OSBPL1A: variants seen among roughly 807,000 people sequenced by gnomAD.
OSBPL1A encodes oxysterol binding protein like 1A, also known as oxysterol-binding protein-related protein 1.
In OSBPL1A, 80 loss-of-function variants were observed where a neutral mutation model predicts 137.1. The ratio of observed to expected loss-of-function variants is 0.58; its 90% CI spans 0.49 to 0.70. The LOEUF is 0.70. OSBPL1A is among the 30% of genes least tolerant of loss of function. OSBPL1A has a pLI of 0.00. For synonymous variants in OSBPL1A, 365 were observed against 389.7 expected (o/e 0.94, Z 0.75); for missense variants, 970 against 1,129.4 (o/e 0.86, Z 2.02).
intron 4 of OSBPL1A, among the ~76,000 whole-genome samples, chr18:24,353,812 G>A (rs753940964): frequency 4.6e-5 from 7 of 151,422 alleles, no homozygotes; most frequent in African/African-American, 7.3e-5. Context: ...GCAAACTATC[G>A]CAAGGACGAG....
intron 18 of OSBPL1A, among the ~76,000 whole-genome samples, chr18:24,188,801 G>A (rs769521518): frequency 3.3e-5 from 5 of 152,188 alleles, no homozygotes; most frequent in Non-Finnish European, 7.3e-5. Context: ...GAGAGGTAGT[G>A]AAAAACTCGC....
intron 4 of OSBPL1A, 78 bp from the exon 5 acceptor site, chr18:24,341,736 A>G (rs1013109454): frequency 2.3e-6 from 2 of 865,576 alleles, no homozygotes; most frequent in African/African-American, 1.7e-5. Flanking sequence ...ATTACTAACT[A>G]CTACAGAGTC....
intron 14 of OSBPL1A, among the ~76,000 whole-genome samples, chr18:24,300,664 CTTAAAG>C (rs1164854465): frequency 2.0e-5 from 3 of 152,168 alleles, no homozygotes; most frequent in Admixed American, 6.5e-5. Context: ...TGATCTGGGT[CTTAAAG>C]TTAATGCAAT....
At chr18:24,293,671 G>A (rs560117258) in intron 14 of OSBPL1A, among the ~76,000 whole-genome samples, 20 of 152,260 alleles carry the variant, frequency 1.3e-4, no homozygotes, top group African/African-American at 3.9e-4. Flanking sequence ...ACTGGCAGGC[G>A]TAGGCCAGGC....
At chr18:24,262,928 T>C (rs1232845701) in intron 15 of OSBPL1A, among the ~76,000 whole-genome samples, 1 of 152,200 alleles carries the variant, frequency 6.6e-6, no homozygotes, top group Non-Finnish European at 1.5e-5. Context: ...TAATGTTCTT[T>C]AGATTCATCC....
rs998872691 is a variant in OSBPL1A, at chr18:24,257,217, G to C, written c.1282-17835C>G. 2.0e-5 allele frequency among the ~76,000 whole-genome samples: 3 copies of C among 152,234 alleles called. No homozygotes were observed. The South Asian group carries it at 6.2e-4, about 32-fold the overall frequency. ...CTAAACTGGAGGAATCATATTACCT[G>C]ACTTCAAATTACAGTACAGAGCTAC... On this transcript the variant is annotated intron_variant, in intron 15 of 27. Coordinates refer to ENST00000319481, the MANE Select transcript of OSBPL1A (RefSeq NM_080597.4).
intron 1 of OSBPL1A, among the ~76,000 whole-genome samples, chr18:24,386,713 A>G (rs1297003097): frequency 6.6e-6 from 1 of 152,136 alleles, no homozygotes; most frequent in Non-Finnish European, 1.5e-5. Flanking sequence ...TAATCCCAGC[A>G]CTTTGGGAGG....
chr18:24,165,894 C>T (rs559347010), intron 26 of OSBPL1A, among the ~76,000 whole-genome samples: 1 of 152,052 alleles, frequency 6.6e-6, no homozygotes, highest in Admixed American at 6.5e-5. Context: ...TCAGAAGGTC[C>T]AAGACCAACC....
chr18:24,215,242 T>TA (rs2087660012), intron 17 of OSBPL1A, among the ~76,000 whole-genome samples: 1 of 152,332 alleles, frequency 6.6e-6, no homozygotes, highest in East Asian at 1.9e-4. Flanking sequence ...CACAATGTCC[T>TA]AAAACACACA....
chr18:24,232,128 T>G (rs185100210), intron 16 of OSBPL1A, among the ~76,000 whole-genome samples: 132 of 152,328 alleles, frequency 8.7e-4, no homozygotes, highest in African/African-American at 3.0e-3. Context: ...GCTTAAAATA[T>G]CAGTGCCAAA....
chr18:24,332,869 A>G (rs2091106988), intron 7 of OSBPL1A, 73 bp downstream of exon 7: 1 of 1,553,976 alleles, frequency 6.4e-7, no homozygotes, highest in Admixed American at 1.8e-5. Context: ...CTGAAACAAA[A>G]CAATTTTATA....
At chr18:24,169,876 GACTCCTTTAACT>G (rs2086233949) in intron 24 of OSBPL1A, among the ~76,000 whole-genome samples, 1 of 152,206 alleles carries the variant, frequency 6.6e-6, no homozygotes, top group African/African-American at 2.4e-5. Flanking sequence ...GCCCAGGGAT[GACTCCTTTAACT>G]ACGACCATCT....
intron 1 of OSBPL1A, among the ~76,000 whole-genome samples, chr18:24,382,406 CAAAAAAA>C (rs58654443): frequency 2.7e-5 from 2 of 74,516 alleles, no homozygotes; most frequent in Non-Finnish European, 5.2e-5. Flanking sequence ...GACTCCGTCT[CAAAAAAA>C]AAAAAAAAAA....
Position 24,162,098 on chromosome 18 carries a change from T to C in OSBPL1A, c.*1081A>G, listed in dbSNP as rs1001593155. ...TAGCATCAGGTAGATTATTTCATTA[T>C]AACACTTGTTAACTTCAAGACAGCA... On this transcript the variant is annotated 3_prime_UTR_variant, in exon 28 of 28. Transcript: ENST00000319481. The C allele has an allele frequency of 6.6e-6, 1 of 152,280 alleles. No homozygotes were observed. Among genetic ancestry groups the C allele is most frequent in the Non-Finnish European group, 1.5e-5 (1 of 68,070 alleles). The allele number at this position is 152,280 out of a possible 1,614,324, so 9.4% of individuals were successfully genotyped here. A position where few individuals can be genotyped will look rare whatever the true frequency, so the allele number is the denominator to read the frequency against.
intron 4 of OSBPL1A, among the ~76,000 whole-genome samples, chr18:24,346,433 C>T (rs934365185): frequency 6.6e-6 from 1 of 152,186 alleles, no homozygotes; most frequent in Non-Finnish European, 1.5e-5. Context: ...TTCATCACTA[C>T]AAAAAGAAAC....
At chr18:24,370,373 C>T (rs530355978) in intron 2 of OSBPL1A, among the ~76,000 whole-genome samples, 54 of 152,210 alleles carry the variant, frequency 3.5e-4, no homozygotes, top group Non-Finnish European at 4.6e-4. Context: ...CTGCCCCTCA[C>T]CAAATAACTT....
intron 21 of OSBPL1A, among the ~76,000 whole-genome samples, chr18:24,176,052 G>A (rs777842714): frequency 4.6e-5 from 7 of 152,178 alleles, no homozygotes; most frequent in Non-Finnish European, 1.0e-4. Context: ...AACAGCTTTA[G>A]CATTAAGCCT....
intron 15 of OSBPL1A, among the ~76,000 whole-genome samples, chr18:24,272,548 C>T (rs1205391552): frequency 6.6e-6 from 1 of 152,106 alleles, no homozygotes; most frequent in African/African-American, 2.4e-5. Context: ...AACCCACCAC[C>T]CAAATACCAC....
At chr18:24,357,728 T>C (rs1407191273) in intron 4 of OSBPL1A, 1 of 152,166 alleles carries the variant, frequency 6.6e-6, no homozygotes, top group African/African-American at 2.4e-5. Context: ...TGGTAAGACA[T>C]ATCTGATCCA....
Sources: allele counts gnomAD v4.1 joint callset (sites outside exome capture counted in the v4.1 genomes callset), GRCh38; gene constraint gnomAD v4.1.1; transcripts MANE v1.5; gene names NCBI Gene and HGNC (gene_info 2026-07-23, HGNC 2026-07-21).